Variants in TTC13 observed in about 807,000 individuals in gnomAD.
TTC13 encodes tetratricopeptide repeat domain 13, also known as tetratricopeptide repeat protein 13.
Under a neutral mutation model 120.0 loss-of-function variants are expected in TTC13, and 62 were observed. The observed-to-expected ratio is 0.52, with a 90% CI of 0.42 to 0.64. The LOEUF (loss-of-function observed/expected upper bound fraction) is 0.64, where lower values mean the gene tolerates loss of function less well. Among genes scored for constraint, TTC13 ranks in the 30% least tolerant of loss-of-function variants. The probability of loss-of-function intolerance (pLI) is 0.00; values close to 1 mark genes in which losing one functional copy is unlikely to be tolerated. For synonymous variants in TTC13, 384 were observed against 393.5 expected (o/e 0.98, Z 0.28); for missense variants, 824 against 1,050.2 (o/e 0.78, Z 2.98).
At chr1:230,961,111 G>A (rs1411874216) in intron 2 of TTC13, 98 bp downstream of exon 2, 3 of 844,898 alleles carry the variant, frequency 3.6e-6, no homozygotes, top group Admixed American at 2.3e-5. Context: ...GACTCAACGA[G>A]GCCCAACTTC....
intron 13 of TTC13, 60 bp downstream of exon 13, chr1:230,925,457 C>A: frequency 6.3e-7 from 1 of 1,589,776 alleles, no homozygotes; most frequent in Non-Finnish European, 8.6e-7. Flanking sequence ...CACAACATGG[C>A]TTAACCACCC....
At chr1:230,923,022 AT>A (rs1421457859) in intron 15 of TTC13, among the ~76,000 whole-genome samples, 2 of 152,248 alleles carry the variant, frequency 1.3e-5, no homozygotes, top group Non-Finnish European at 2.9e-5. Context: ...AATTAAAAAA[AT>A]AAATATACAT....
intron 17 of TTC13, among the ~76,000 whole-genome samples, chr1:230,920,101 C>T (rs2102782410): frequency 6.6e-6 from 1 of 152,324 alleles, no homozygotes; most frequent in East Asian, 1.9e-4. Context: ...TTGGGCTCCA[C>T]ATTACCGTGC....
chr1:230,927,891 A>T (rs1192972922), intron 12 of TTC13, among the ~76,000 whole-genome samples: 2 of 152,210 alleles, frequency 1.3e-5, no homozygotes, highest in Admixed American at 1.3e-4. Flanking sequence ...ATTTTATTTT[A>T]TCCATAAAAT....
In TTC13 at chr1:230,943,670, A is replaced by G. The variant is rs1159717979; in HGVS notation, c.672+136T>C. 5.1e-6 allele frequency: 3 copies of G among 588,240 alleles called. No individual in the cohort carries two copies. In the East Asian group the frequency reaches 8.6e-5, roughly 17 times the overall value. 36.4% of individuals were successfully genotyped at this position (588,240 alleles called of 1,614,324 possible). ...TTCTATTAATTTCAACCATGCTTAA[A>G]GGCATTAAGTACCGACATAGAAAAA... On this transcript the variant is annotated intron_variant, in intron 6 of 22. Coordinates refer to ENST00000366661, the MANE Select transcript of TTC13 (RefSeq NM_024525.5).
chr1:230,929,225 A>C lies in TTC13; in HGVS notation c.1301-132T>G, dbSNP rs572108440. The C allele has an allele frequency of 5.3e-6, 5 of 947,458 alleles. No individual in the cohort carries two copies. In the African/African-American group the frequency reaches 8.4e-5, roughly 16 times the overall value. 58.7% of individuals were successfully genotyped at this position (947,458 alleles called of 1,614,324 possible). On this transcript the variant is annotated intron_variant, in intron 11 of 22. Coordinates refer to ENST00000366661, the MANE Select transcript of TTC13 (RefSeq NM_024525.5). Reference sequence around the variant, plus strand: ...GAATTCTAAAGAGTTTCTAAATTTTAGTAAGTCACTATTAGTATATGATAG... The same window carrying C: ...GAATTCTAAAGAGTTTCTAAATTTTCGTAAGTCACTATTAGTATATGATAG...
chr1:230,951,093 A>G (rs1675526080), intron 4 of TTC13, among the ~76,000 whole-genome samples: 1 of 152,232 alleles, frequency 6.6e-6, no homozygotes, highest in African/African-American at 2.4e-5. Flanking sequence ...TAAACATTCC[A>G]ATAAACACTT....
chr1:230,946,719 T>C (rs1675036201), intron 4 of TTC13, among the ~76,000 whole-genome samples: 2 of 152,130 alleles, frequency 1.3e-5, no homozygotes. Context: ...AGATGAGAGG[T>C]ACAAGTCCAT....
chr1:230,950,958 C>G (rs1385696738), intron 4 of TTC13, among the ~76,000 whole-genome samples: 6 of 152,156 alleles, frequency 3.9e-5, no homozygotes, highest in Admixed American at 3.9e-4. Context: ...GGCATAGAAG[C>G]AACACTAACT....
At chr1:230,953,513 T>C (rs955156296) in intron 4 of TTC13, among the ~76,000 whole-genome samples, 4 of 152,184 alleles carry the variant, frequency 2.6e-5, no homozygotes, top group Admixed American at 1.3e-4. Flanking sequence ...TAATAGGACA[T>C]TTCATTTAAA....
chr1:230,974,168 A>G (rs1217163280), intron 1 of TTC13, among the ~76,000 whole-genome samples: 1 of 152,168 alleles, frequency 6.6e-6, no homozygotes. Flanking sequence ...GCAGATCTAC[A>G]GAGTGTTGAA....
intron 19 of TTC13, among the ~76,000 whole-genome samples, 198 bp from the exon 20 acceptor site, chr1:230,911,747 C>A (rs1208511686): frequency 6.6e-6 from 1 of 152,136 alleles, no homozygotes; most frequent in Non-Finnish European, 1.5e-5. Flanking sequence ...CAATTTAGAG[C>A]AATGTTTTCC....
intron 1 of TTC13, among the ~76,000 whole-genome samples, chr1:230,967,671 GAGTTATAACTAT>G (rs1300696498): frequency 6.6e-6 from 1 of 152,112 alleles, no homozygotes; most frequent in Non-Finnish European, 1.5e-5. Flanking sequence ...ATAGTTGCTA[GAGTTATAACTAT>G]AGTTGTGTGG....
At position 230,949,404 on chromosome 1, in the gene TTC13, TAA is replaced by T. The variant is rs71668369; in HGVS notation, c.514-3952_514-3951del. Reference sequence around the variant, plus strand: ...TTTTATAGTAATAAAAATTTTAAATTAAAAAAAAAAAACAGCCATTCAAAAAT... The same window carrying T: ...TTTTATAGTAATAAAAATTTTAAATTAAAAAAAAAACAGCCATTCAAAAAT... On this transcript the variant is annotated intron_variant, in intron 4 of 22. Transcript: ENST00000366661. 3.3e-4 allele frequency among the ~76,000 whole-genome samples: 16 copies of T among 48,236 alleles called. 1 individual carries two copies. The highest frequency in any genetic ancestry group is 6.3e-4 in the African/African-American group (8 of 12,792). 31.6% of individuals were successfully genotyped at this position (48,236 alleles called of 152,430 possible).
intron 18 of TTC13, among the ~76,000 whole-genome samples, chr1:230,914,079 G>A (rs1337744703): frequency 1.3e-5 from 2 of 152,174 alleles, no homozygotes; most frequent in African/African-American, 4.8e-5. Context: ...GGGATGCCAG[G>A]CAGAGTCGAC....
chr1:230,919,468 T>C (rs1190089392), intron 17 of TTC13, among the ~76,000 whole-genome samples: 1 of 152,184 alleles, frequency 6.6e-6, no homozygotes, highest in African/African-American at 2.4e-5. Context: ...AGGCTCCACC[T>C]CCCAACATAT....
intron 1 of TTC13, among the ~76,000 whole-genome samples, chr1:230,974,033 C>T (rs1356584433): frequency 3.3e-5 from 5 of 150,280 alleles, no homozygotes; most frequent in East Asian, 3.9e-4. Flanking sequence ...GCCGAGATCA[C>T]GCCATTGCAC....
At position 230,921,547 on chromosome 1, in the gene TTC13, G is replaced by A. The variant is rs752138051; in HGVS notation, c.1815-43C>T. The A allele has an allele frequency of 7.0e-6, 7 of 1,003,970 alleles. No individual in the cohort carries two copies. The Admixed American group carries it at 8.0e-5, about 11-fold the overall frequency. The allele number at this position is 1,003,970 out of a possible 1,614,324, so 62.2% of individuals were successfully genotyped here. A position where few individuals can be genotyped will look rare whatever the true frequency, so the allele number is the denominator to read the frequency against. ...TAAAATTAAGAATATTTTTATAGAA[G>A]AATATGCTCAAGCCAACATCTAATT... On this transcript the variant is annotated intron_variant, in intron 15 of 22. Transcript: ENST00000366661.
At chr1:230,919,013 T>C (rs1025845118) in intron 17 of TTC13, among the ~76,000 whole-genome samples, 5 of 152,214 alleles carry the variant, frequency 3.3e-5, no homozygotes, top group African/African-American at 1.2e-4. Flanking sequence ...GTTCACACAG[T>C]TATAATTCTT....
Sources: gnomAD v4.1 joint callset for allele counts (sites outside exome capture counted in the v4.1 genomes callset) on GRCh38, gnomAD v4.1.1 for gene constraint, MANE v1.5 for transcripts, NCBI Gene and HGNC (gene_info 2026-07-23, HGNC 2026-07-21) for gene names.